Variants in COX15 observed in about 807,000 individuals in gnomAD.
COX15 encodes heme A synthase COX15.
In COX15, 51 loss-of-function variants were observed where a neutral mutation model predicts 51.9. The ratio of observed to expected loss-of-function variants is 0.98; its 90% CI spans 0.78 to 1.24. The LOEUF is 1.24. Among genes scored for constraint, COX15 ranks in the 50% most tolerant of loss-of-function variants. The pLI, the probability that COX15 is intolerant of heterozygous loss-of-function variation, is 0.00. For synonymous variants in COX15, 188 were observed against 190.5 expected, an observed-to-expected ratio of 0.99 and a Z score of 0.11; for missense variants, 420 against 501.1, an observed-to-expected ratio of 0.84 and a Z score of 1.55.
downstream of COX15, chr10:99,710,654 A>G (rs368793758): frequency 1.8e-4 from 176 of 985,424 alleles, 3 homozygotes; most frequent in South Asian, 7.3e-3. Flanking sequence ...ATGCAGGGAC[A>G]TGGGTATATG....
intron 7 of COX15, chr10:99,716,746 G>A (rs536057361): frequency 1.1e-5 from 4 of 358,076 alleles, no homozygotes; most frequent in South Asian, 1.0e-4. Flanking sequence ...TTCCAATGTG[G>A]GTGTCCCCCT....
the COX15 span, chr10:99,698,465 G>C: frequency 4.6e-5 from 67 of 1,460,144 alleles, no homozygotes; most frequent in Middle Eastern, 1.1e-3. Context: ...TGCACATTGT[G>C]TTTCTTAGAC....
chr10:99,702,117 C>T, the COX15 span, among the ~76,000 whole-genome samples: 1 of 152,254 alleles, frequency 6.6e-6, no homozygotes, highest in South Asian at 2.1e-4. Flanking sequence ...GTGTACCTGT[C>T]ACCCTGCTTT....
At chr10:99,702,004 G>A in the COX15 span, among the ~76,000 whole-genome samples, 3 of 151,866 alleles carry the variant, frequency 2.0e-5, no homozygotes, top group African/African-American at 4.8e-5. Context: ...AGCTGAGATC[G>A]CGCCACTGCA....
Position 99,711,312 on chromosome 10 carries a change from C to T in COX15, c.*3275G>A, listed in dbSNP as rs901659716. The T allele has an allele frequency of 3.1e-5, 31 of 985,304 alleles. No individual in the cohort carries two copies. Among genetic ancestry groups the T allele is most frequent in the Non-Finnish European group, 3.7e-5 (31 of 829,950 alleles). 61.0% of individuals were successfully genotyped at this position (985,304 alleles called of 1,614,324 possible). A position where few individuals can be genotyped will look rare whatever the true frequency, so the allele number is the denominator to read the frequency against. ...TAATATATGGTTCTTTGGGTTGGGT[C>T]ATACTGCCCTCTGCTGACTCAGTTA... On this transcript the variant is annotated 3_prime_UTR_variant, in exon 9 of 9. Transcript: ENST00000016171.
At chr10:99,696,226 C>T in the COX15 span, 1 of 1,380,346 alleles carries the variant, frequency 7.2e-7, no homozygotes, top group Non-Finnish European at 9.8e-7. Context: ...CCTGCTTCCT[C>T]CTTCTTTCTG....
At chr10:99,698,028 G>A in the COX15 span, 1 of 163,516 alleles carries the variant, frequency 6.1e-6, no homozygotes, top group African/African-American at 2.4e-5. Flanking sequence ...AGCTGGTGCT[G>A]TGCCTGTTCT....
the COX15 span, chr10:99,704,528 T>G: frequency 6.2e-7 from 1 of 1,614,208 alleles, no homozygotes. Context: ...CCACTATCTC[T>G]TCTTTGCCTG....
At position 99,713,126 on chromosome 10, in the gene COX15, T is replaced by TA; in HGVS notation, c.*1460dup. ...ATTTTGACTATGGCTGTGACACTTCTACTGATAAAACCTGAAGTACCACTA... is the reference window on the plus strand; with the variant it reads ...ATTTTGACTATGGCTGTGACACTTCTAACTGATAAAACCTGAAGTACCACTA... On this transcript the variant is annotated 3_prime_UTR_variant, in exon 9 of 9. Transcript: ENST00000016171. The TA allele has an allele frequency of 1.6e-6, 2 of 1,286,270 alleles. No homozygotes were observed. Among genetic ancestry groups the TA allele is most frequent in the South Asian group, 3.2e-5 (2 of 61,984 alleles). 79.7% of individuals were successfully genotyped at this position (1,286,270 alleles called of 1,614,324 possible). A position where few individuals can be genotyped will look rare whatever the true frequency, so the allele number is the denominator to read the frequency against.
At chr10:99,721,796 A>C (rs2036781408) in intron 5 of COX15, among the ~76,000 whole-genome samples, 2 of 152,142 alleles carry the variant, frequency 1.3e-5, no homozygotes, top group African/African-American at 4.8e-5. Flanking sequence ...AGTATGACTG[A>C]AAATTAAATA....
chr10:99,718,176 G>T (rs2036635336), intron 7 of COX15, among the ~76,000 whole-genome samples, 170 bp downstream of exon 7: 1 of 152,130 alleles, frequency 6.6e-6, no homozygotes, highest in South Asian at 2.1e-4. Flanking sequence ...GGTGAATAAT[G>T]AGGACAAAGA....
At chr10:99,699,425 T>A in the COX15 span, among the ~76,000 whole-genome samples, 5 of 152,228 alleles carry the variant, frequency 3.3e-5, no homozygotes, top group Non-Finnish European at 7.3e-5. Flanking sequence ...AAGCATCATA[T>A]AAGTTTAAAT....
intron 8 of COX15, among the ~76,000 whole-genome samples, chr10:99,715,197 G>A (rs1171164868): frequency 1.3e-5 from 2 of 152,082 alleles, no homozygotes; most frequent in African/African-American, 2.4e-5. Context: ...GAGTGCAATG[G>A]CATGATCTTG....
the COX15 span, among the ~76,000 whole-genome samples, chr10:99,696,458 C>T: frequency 3.3e-5 from 5 of 152,294 alleles, no homozygotes; most frequent in African/African-American, 1.2e-4. Context: ...GCTAGCAGTT[C>T]CTTCTGCATG....
chr10:99,724,684 G>T (rs1036335025), intron 4 of COX15, among the ~76,000 whole-genome samples: 1 of 151,546 alleles, frequency 6.6e-6, no homozygotes, highest in African/African-American at 2.4e-5. Flanking sequence ...TGGAAGAATT[G>T]TCTTGGGCCA....
rs1185997913 is a variant in COX15, at chr10:99,718,332, C to A, written c.987+14G>T. On this transcript the variant is annotated intron_variant, in intron 7 of 8. Transcript: ENST00000016171. The stretch of plus-strand genomic sequence containing the variant: ...TCCTGTGCTCTCTGGCAGGTAACCA[C>A]CAACTACACTTACCAGAATCCGGTG... The A allele has an allele frequency of 6.2e-7, 1 of 1,613,980 alleles. No homozygotes were observed. Among genetic ancestry groups the A allele is most frequent in the Admixed American group, 1.7e-5 (1 of 60,008 alleles).
rs1324201535 is a variant in COX15 at position 99,718,469 on chromosome 10, A to C, written c.864T>G (p.Leu288=). 2.5e-6 allele frequency: 4 copies of C among 1,614,090 alleles called. No individual in the cohort carries two copies. The highest frequency in any genetic ancestry group is 3.4e-6 in the Non-Finnish European group (4 of 1,180,034). ...GAFVAGLDAG[L]VYNSFPKMGE... is the part of the protein sequence containing the mutation. ...CCATTTTGGGAAAGGAGTTATAAAC[A>C]AGCCCAGCATCTAGCCCTGCCACAA... Residue 288 remains leucine, a synonymous_variant, in exon 7 of 9, where the codon CTT becomes CTG. Transcript: ENST00000016171.
chr10:99,716,732 C>T, intron 7 of COX15: 2 of 383,728 alleles, frequency 5.2e-6, no homozygotes, highest in South Asian at 4.7e-5. Context: ...TGATCTCATC[C>T]ACCTTCCAAT....
In COX15 at chr10:99,713,147, CACT is replaced by C; in HGVS notation, c.*1437_*1439del. ...CTTCTACTGATAAAACCTGAAGTAC[CACT>C]AATTTTTCTGTTATCATATAATAAC... is the stretch of plus-strand genomic sequence containing the variant. On this transcript the variant is annotated 3_prime_UTR_variant, in exon 9 of 9. Transcript: ENST00000016171. 11 of 1,319,778 alleles carry C rather than the reference CACT, an allele frequency of 8.3e-6. No individual in the cohort carries two copies. Among genetic ancestry groups the C allele is most frequent in the Non-Finnish European group, 1.1e-5 (11 of 1,029,898 alleles). 81.8% of individuals were successfully genotyped at this position (1,319,778 alleles called of 1,614,324 possible).
Sources: allele counts gnomAD v4.1 joint callset (sites outside exome capture counted in the v4.1 genomes callset), GRCh38; gene constraint gnomAD v4.1.1; transcripts MANE v1.5; gene names NCBI Gene and HGNC (gene_info 2026-07-23, HGNC 2026-07-21).